Variants in CA8 observed in about 807,000 individuals in gnomAD.
CA8 encodes the protein carbonic anhydrase-related protein.
In CA8, 22 loss-of-function variants were observed where a neutral mutation model predicts 41.4. That is an observed-to-expected ratio of 0.53 (90% CI 0.38 to 0.76). The LOEUF is 0.76. Ranked by LOEUF, CA8 falls within the 30% of genes least tolerant of loss-of-function variation. The pLI, the probability that CA8 is intolerant of heterozygous loss-of-function variation, is 0.00. For synonymous variants in CA8, 121 were observed against 130.6 expected, an observed-to-expected ratio of 0.93 and a Z score of 0.50; for missense variants, 270 against 352.8, an observed-to-expected ratio of 0.77 and a Z score of 1.88.
intron 2 of CA8, among the ~76,000 whole-genome samples, chr8:60,278,751 G>C (rs571486695): frequency 1.3e-5 from 2 of 152,126 alleles, no homozygotes; most frequent in Non-Finnish European, 2.9e-5. Context: ...CATTTACAAT[G>C]AATAAAATAA....
intron 1 of CA8, 111 bp downstream of exon 1, chr8:60,280,937 G>A: frequency 1.3e-6 from 1 of 775,622 alleles, no homozygotes; most frequent in Non-Finnish European, 2.2e-6. Flanking sequence ...TGGGAAAGAG[G>A]GGGCGTGGGG....
intron 8 of CA8, among the ~76,000 whole-genome samples, chr8:60,207,639 A>C (rs998559050): frequency 2.6e-5 from 4 of 152,046 alleles, no homozygotes; most frequent in Non-Finnish European, 4.4e-5. Flanking sequence ...ACTAGCTATA[A>C]CCTGCGATTT....
chr8:60,231,806 T>C (rs1412202652), intron 4 of CA8, among the ~76,000 whole-genome samples: 3 of 152,232 alleles, frequency 2.0e-5, no homozygotes, highest in African/African-American at 4.8e-5. Context: ...ATATTGACTA[T>C]ATCTGCCAAG....
At chr8:60,264,822 T>C (rs991066656) in intron 3 of CA8, 3 of 152,204 alleles carry the variant, frequency 2.0e-5, no homozygotes, top group Non-Finnish European at 4.4e-5. Flanking sequence ...GATTTTTTTA[T>C]TATAATTACA....
chr8:60,280,504 ACT>A (rs1804375561), intron 1 of CA8, among the ~76,000 whole-genome samples: 1 of 152,316 alleles, frequency 6.6e-6, no homozygotes, highest in Non-Finnish European at 1.5e-5. Flanking sequence ...AATCTAGGAA[ACT>A]CGAGTTTTTC....
intron 6 of CA8, among the ~76,000 whole-genome samples, chr8:60,223,973 A>G (rs13259922): frequency 0.34 from 52,037 of 152,118 alleles, 9,582 homozygotes; most frequent in Admixed American, 0.43. Context: ...TAATAATAGT[A>G]TTACTGCAGA....
At chr8:60,208,697 C>A in intron 8 of CA8, 53 bp downstream of exon 8, 1 of 1,459,526 alleles carries the variant, frequency 6.9e-7, no homozygotes, top group Non-Finnish European at 9.6e-7. Context: ...ACCTTTGGTA[C>A]GCTAGGTTTA....
intron 2 of CA8, among the ~76,000 whole-genome samples, chr8:60,272,421 C>T (rs1804101798): frequency 1.3e-5 from 2 of 152,080 alleles, no homozygotes; most frequent in South Asian, 4.1e-4. Context: ...TACTCTTTAG[C>T]CTCTGTGCAG....
At chr8:60,269,844 A>G (rs1221226561) in intron 2 of CA8, among the ~76,000 whole-genome samples, 1 of 152,224 alleles carries the variant, frequency 6.6e-6, no homozygotes, top group Non-Finnish European at 1.5e-5. Flanking sequence ...ACACATCAAG[A>G]GCAGGAAAGG....
At chr8:60,206,992 C>T (rs903345505) in intron 8 of CA8, among the ~76,000 whole-genome samples, 1 of 152,162 alleles carries the variant, frequency 6.6e-6, no homozygotes, top group African/African-American at 2.4e-5. Context: ...TTGCTGCGGC[C>T]TCCTGCCCCA....
intron 2 of CA8, among the ~76,000 whole-genome samples, chr8:60,270,338 C>T (rs1305477615): frequency 6.6e-6 from 1 of 152,182 alleles, no homozygotes; most frequent in Non-Finnish European, 1.5e-5. Context: ...AAACCCCACA[C>T]CAGTGGGTCC....
intron 2 of CA8, among the ~76,000 whole-genome samples, chr8:60,278,776 A>G (rs1585943320): frequency 6.6e-6 from 1 of 152,248 alleles, no homozygotes; most frequent in East Asian, 1.9e-4. Context: ...ATAGCTGGAA[A>G]TCAACAGCTG....
intron 8 of CA8, among the ~76,000 whole-genome samples, chr8:60,201,994 T>C (rs1466748900): frequency 7.0e-6 from 1 of 142,448 alleles, no homozygotes; most frequent in East Asian, 1.9e-4. Context: ...ATTGGTTGTA[T>C]AGTTTGATAG....
chr8:60,259,007 G>A (rs990794623), intron 3 of CA8, among the ~76,000 whole-genome samples: 2 of 152,006 alleles, frequency 1.3e-5, no homozygotes, highest in African/African-American at 2.4e-5. Context: ...AATTGCATTC[G>A]AACTCCCCCA....
chr8:60,203,949 T>C (rs772266006), intron 8 of CA8, among the ~76,000 whole-genome samples: 6 of 152,156 alleles, frequency 3.9e-5, no homozygotes, highest in Admixed American at 1.3e-4. Flanking sequence ...AACTATAATA[T>C]CCAGTGCTCG....
intron 8 of CA8, among the ~76,000 whole-genome samples, chr8:60,191,146 C>A (rs1030856157): frequency 1.3e-4 from 20 of 151,600 alleles, no homozygotes; most frequent in African/African-American, 4.6e-4. Context: ...ACAATAAAAT[C>A]TTTTTAAATT....
intron 7 of CA8, among the ~76,000 whole-genome samples, chr8:60,219,937 A>AAAC (rs1554520121): frequency 4.9e-5 from 5 of 102,312 alleles, no homozygotes; most frequent in African/African-American, 1.6e-4. Context: ...CTTAAAAAAA[A>AAAC]AAAAAAAAAA....
In CA8 at chr8:60,274,648, C is replaced by G. The variant is rs557189423; in HGVS notation, c.292+5041G>C. Among the ~76,000 whole-genome samples the G allele has an allele frequency of 2.6e-5, 4 of 152,228 alleles. No individual in the cohort carries two copies. The East Asian group carries it at 5.8e-4, about 22-fold the overall frequency. ...AAGGGCTCCAGGGAGCCTGTTTGACCCTTCTGCCTCATACCATGTGAGGAC... is the reference window on the plus strand; with the variant it reads ...AAGGGCTCCAGGGAGCCTGTTTGACGCTTCTGCCTCATACCATGTGAGGAC... On this transcript the variant is annotated intron_variant, in intron 2 of 8. Transcript: ENST00000317995.
chr8:60,237,206 C>A (rs999263834), intron 3 of CA8, among the ~76,000 whole-genome samples: 2 of 152,208 alleles, frequency 1.3e-5, no homozygotes, highest in African/African-American at 4.8e-5. Flanking sequence ...CTTCACTAGT[C>A]ACTAACTTCT....
Sources: allele counts gnomAD v4.1 joint callset (sites outside exome capture counted in the v4.1 genomes callset), GRCh38; gene constraint gnomAD v4.1.1; transcripts MANE v1.5; gene names NCBI Gene and HGNC (gene_info 2026-07-23, HGNC 2026-07-21).